The following DIPK1C variants were observed in gnomAD, a reference collection of about 807,000 sequenced individuals.
The protein encoded by DIPK1C is divergent protein kinase domain 1C.
DIPK1C carries 33 observed loss-of-function variants against 28.0 expected under a neutral mutation model. The ratio of observed to expected loss-of-function variants is 1.18; its 90% CI spans 0.89 to 1.58. The LOEUF (loss-of-function observed/expected upper bound fraction) is 1.58. Ranked by LOEUF, DIPK1C falls within the 40% of genes most tolerant of loss-of-function variation. The pLI is 0.00. For missense variants in DIPK1C, 569 were observed against 568.5 expected, an observed-to-expected ratio of 1.00 and a Z score of -0.01; for synonymous variants, 255 against 248.8, an observed-to-expected ratio of 1.02 and a Z score of -0.23.
chr18:74,436,633 C>T lies in DIPK1C; in HGVS notation c.1128G>A (p.Gln376=), dbSNP rs1219204078. 3 of 1,613,812 alleles carry T rather than the reference C, an allele frequency of 1.9e-6. No individual in the cohort carries two copies. The highest frequency in any genetic ancestry group is 2.5e-6 in the Non-Finnish European group (3 of 1,180,018). ...AVSFQLQLQL[Q]EAVQECADPG... is the part of the protein sequence containing the mutation. ...GGTCTGCACATTCCTGCACCGCCTC[C>T]TGTAACTGCAGCTGAAGCTGGAAAG... The change falls in exon 4 of 4, where the codon CAG becomes CAA. Residue 376 remains glutamine (Q), a synonymous_variant. Coordinates refer to ENST00000343998, the MANE Select transcript of DIPK1C (RefSeq NM_001044369.3).
chr18:74,449,655 C>T (rs952450315), intron 1 of DIPK1C, among the ~76,000 whole-genome samples: 1 of 152,170 alleles, frequency 6.6e-6, no homozygotes, highest in Non-Finnish European at 1.5e-5. Context: ...CACAATGATG[C>T]ACGCGAGACA....
intron 3 of DIPK1C, among the ~76,000 whole-genome samples, chr18:74,439,772 A>T (rs985231236): frequency 6.6e-6 from 1 of 152,208 alleles, no homozygotes; most frequent in African/African-American, 2.4e-5. Flanking sequence ...GTGAGCTATG[A>T]TTGTGCCACT....
upstream of DIPK1C, among the ~76,000 whole-genome samples, chr18:74,461,571 G>A (rs915500697): frequency 4.6e-5 from 7 of 151,808 alleles, no homozygotes; most frequent in Non-Finnish European, 5.9e-5. Flanking sequence ...GGCTCAATGC[G>A]TTGTCCAGGC....
rs1386806610 is a variant in DIPK1C at position 74,434,980 on chromosome 18, G to A, written c.*1521C>T. On this transcript the variant is annotated 3_prime_UTR_variant, in exon 4 of 4. Coordinates refer to ENST00000343998, the MANE Select transcript of DIPK1C (RefSeq NM_001044369.3). ...GTGGGCCTTCCAACAGGTCTTTGGG[G>A]AAGGCAGAATTTAGAGCTGGGGGCC... 3.3e-5 allele frequency: 5 copies of A among 152,222 alleles called. No homozygotes were observed. Among genetic ancestry groups the A allele is most frequent in the Non-Finnish European group, 7.3e-5 (5 of 68,074 alleles). The allele number at this position is 152,222 out of a possible 1,614,324, so 9.4% of individuals were successfully genotyped here. A position where few individuals can be genotyped will look rare whatever the true frequency, so the allele number is the denominator to read the frequency against.
rs1986140589 is a variant in DIPK1C at position 74,442,086 on chromosome 18, A to C, written c.907T>G (p.Phe303Val). ...VVAIDVDMAF[F>V]EPKMREILEQ... ...AGGATTTCCCTCATTTTAGGTTCAA[A>C]AAAGGCCATGTCCACATCAATAGCC... The change falls in exon 3 of 4, where the codon TTT becomes GTT. Residue 303 changes from phenylalanine (F) to valine (V), a missense_variant. Transcript: ENST00000343998. 1 of 1,614,062 alleles carries C rather than the reference A, an allele frequency of 6.2e-7. No individual in the cohort carries two copies. Among genetic ancestry groups the C allele is most frequent in the African/African-American group, 1.3e-5 (1 of 74,928 alleles).
intron 1 of DIPK1C, among the ~76,000 whole-genome samples, chr18:74,449,735 C>T (rs1465001218): frequency 6.6e-6 from 1 of 152,192 alleles, no homozygotes; most frequent in Non-Finnish European, 1.5e-5. Context: ...CTGGGGCTGA[C>T]TTTATGTCTT....
intron 1 of DIPK1C, among the ~76,000 whole-genome samples, chr18:74,452,032 A>G (rs1986408734): frequency 6.6e-6 from 1 of 152,226 alleles, no homozygotes; most frequent in South Asian, 2.1e-4. Flanking sequence ...TACAAAGCCT[A>G]TGTAAAATAA....
At chr18:74,452,269 C>T (rs117432536) in intron 1 of DIPK1C, among the ~76,000 whole-genome samples, 4,939 of 152,132 alleles carry the variant, frequency 0.032, 107 homozygotes, top group Non-Finnish European at 0.047. Context: ...GTATTTTTGG[C>T]GTTTCAGTTC....
At position 74,442,057 on chromosome 18, in the gene DIPK1C, C is replaced by T; in HGVS notation, c.936G>A (p.Glu312=). The T allele has an allele frequency of 6.2e-7, 1 of 1,614,124 alleles. No individual in the cohort carries two copies. The highest frequency in any genetic ancestry group is 8.5e-7 in the Non-Finnish European group (1 of 1,180,028). Residue 312 remains glutamate, a synonymous_variant, in exon 3 of 4, where the codon GAG becomes GAA. Coordinates refer to ENST00000343998, the MANE Select transcript of DIPK1C (RefSeq NM_001044369.3). Reference sequence around the variant, plus strand: ...AGTCTTCATCTCCTGTGCAGTTTTGCTCAAGGATTTCCCTCATTTTAGGTT... The same window carrying T: ...AGTCTTCATCTCCTGTGCAGTTTTGTTCAAGGATTTCCCTCATTTTAGGTT... ...FFEPKMREIL[E]QNCTGDEDCN...
At position 74,435,353 on chromosome 18, in the gene DIPK1C, C is replaced by T. The variant is rs2241507; in HGVS notation, c.*1148G>A. 0.33 allele frequency: 50,740 copies of T among 152,080 alleles called. 8,932 individuals carry two copies. The highest frequency in any genetic ancestry group is 0.39 in the Non-Finnish European group (26,589 of 67,982). The allele number at this position is 152,080 out of a possible 1,614,324, so 9.4% of individuals were successfully genotyped here. ...CCAGGTCCCTTTAAGTGAAAGCTCACTGGCTTCACCTGGCCTGTCCCCCTG... is the reference window on the plus strand; with the variant it reads ...CCAGGTCCCTTTAAGTGAAAGCTCATTGGCTTCACCTGGCCTGTCCCCCTG... On this transcript the variant is annotated 3_prime_UTR_variant, in exon 4 of 4. Coordinates refer to ENST00000343998, the MANE Select transcript of DIPK1C (RefSeq NM_001044369.3).
chr18:74,457,592 G>A (rs921327511), upstream of DIPK1C, among the ~76,000 whole-genome samples: 1 of 152,100 alleles, frequency 6.6e-6, no homozygotes, highest in Non-Finnish European at 1.5e-5. Context: ...CTCTCTTTGG[G>A]GACTGATTCC....
chr18:74,449,424 C>T (rs987689129), intron 1 of DIPK1C, among the ~76,000 whole-genome samples: 21 of 152,130 alleles, frequency 1.4e-4, no homozygotes, highest in Middle Eastern at 3.2e-3. Context: ...GCAGGCTAAT[C>T]GTTCAAAGCG....
At chr18:74,462,476 C>T (rs116026718), upstream of DIPK1C, among the ~76,000 whole-genome samples, 141 of 152,278 alleles carry the variant, frequency 9.3e-4, no homozygotes, top group African/African-American at 3.2e-3. Flanking sequence ...CAGTGTTATC[C>T]GCTCTTCAGT....
At chr18:74,436,821 AC>A (rs1045371863) in intron 3 of DIPK1C, 102 bp from the exon 4 acceptor site, 36 of 1,053,770 alleles carry the variant, frequency 3.4e-5, no homozygotes, top group Non-Finnish European at 4.8e-5. Flanking sequence ...CTTCTCTCCC[AC>A]CCCCACCCCC....
At chr18:74,459,985 C>T (rs1036847679), upstream of DIPK1C, among the ~76,000 whole-genome samples, 2 of 152,198 alleles carry the variant, frequency 1.3e-5, no homozygotes, top group African/African-American at 4.8e-5. Context: ...CCCCAACACG[C>T]CAATCCCAGC....
intron 1 of DIPK1C, among the ~76,000 whole-genome samples, chr18:74,450,498 G>A (rs1340293855): frequency 6.6e-6 from 1 of 152,096 alleles, no homozygotes; most frequent in Admixed American, 6.6e-5. Context: ...TGAGAGAGGA[G>A]GCTCAGGAGA....
chr18:74,445,009 C>T (rs754644793), intron 2 of DIPK1C, among the ~76,000 whole-genome samples: 7 of 152,330 alleles, frequency 4.6e-5, no homozygotes, highest in Middle Eastern at 3.4e-3. Flanking sequence ...TCAGCCCCAG[C>T]TCCTTCGAGA....
Position 74,442,012 on chromosome 18 carries a change from A to G in DIPK1C, c.981T>C (p.Phe327=), listed in dbSNP as rs751144613. The G allele has an allele frequency of 5.6e-6, 9 of 1,614,158 alleles. No homozygotes were observed. In the East Asian group the frequency reaches 2.0e-4, roughly 36 times the overall value. Residue 327 remains phenylalanine, a synonymous_variant, in exon 3 of 4, where the codon TTT becomes TTC. Transcript: ENST00000343998. ...TGTTGACTCGTAAATCACATCTTGA[A>G]AAACAGTCAAAGAAATTGCAGTCTT... ...GDEDCNFFDC[F]SRCDLRVNKC...
At chr18:74,449,108 C>CA (rs113985955) in intron 1 of DIPK1C, among the ~76,000 whole-genome samples, 2,089 of 145,924 alleles carry the variant, frequency 0.014, 36 homozygotes, top group African/African-American at 0.046. Flanking sequence ...GAATCTGTCT[C>CA]AAAAAAAAAA....
Sources: allele counts gnomAD v4.1 joint callset (sites outside exome capture counted in the v4.1 genomes callset), GRCh38; gene constraint gnomAD v4.1.1; transcripts MANE v1.5; gene names NCBI Gene and HGNC (gene_info 2026-07-23, HGNC 2026-07-21).